SLC2A9: variants seen among roughly 807,000 people sequenced by gnomAD.
The protein encoded by SLC2A9 is solute carrier family 2, facilitated glucose transporter member 9.
A neutral mutation model predicts 50.6 loss-of-function variants in SLC2A9; 39 were observed. That is an observed-to-expected ratio of 0.77 (90% confidence interval 0.60 to 1.01). SLC2A9 has a LOEUF of 1.01. Ranked by LOEUF, SLC2A9 falls within the 50% of genes least tolerant of loss-of-function variation. The pLI is 0.00. For synonymous variants in SLC2A9, 324 were observed against 276.9 expected, an observed-to-expected ratio of 1.17 and a Z score of -1.69; for missense variants, 686 against 677.6, an observed-to-expected ratio of 1.01 and a Z score of -0.14.
chr4:9,924,835 T>C (rs1190430978), intron 6 of SLC2A9, among the ~76,000 whole-genome samples: 1 of 152,198 alleles, frequency 6.6e-6, no homozygotes, highest in Non-Finnish European at 1.5e-5. Flanking sequence ...TTGTCTGATC[T>C]AGTGACTAAG....
intron 5 of SLC2A9, among the ~76,000 whole-genome samples, chr4:9,943,389 G>A (rs190683606): frequency 2.6e-5 from 4 of 152,186 alleles, no homozygotes; most frequent in Non-Finnish European, 2.9e-5. Context: ...CCCTTCCATC[G>A]CCCTTTGAGG....
At chr4:9,774,578 T>C (rs1037079671) in intron 1 of SLC2A9, among the ~76,000 whole-genome samples, 2 of 152,208 alleles carry the variant, frequency 1.3e-5, no homozygotes, top group African/African-American at 2.4e-5. Flanking sequence ...GGCAGGGCTT[T>C]GTCAGTTGTA....
chr4:9,789,370 G>A (rs1362772738), intron 3 of SLC2A9, among the ~76,000 whole-genome samples: 4 of 152,216 alleles, frequency 2.6e-5, no homozygotes, highest in South Asian at 2.1e-4. Context: ...TTGTGACTGT[G>A]TCCTTAAGAG....
At chr4:9,997,732 A>G (rs1469150520) in intron 2 of SLC2A9, among the ~76,000 whole-genome samples, 4 of 90,708 alleles carry the variant, frequency 4.4e-5, no homozygotes, top group African/African-American at 1.7e-4. Context: ...TACCTAACAA[A>G]AAAAAAATAG....
At chr4:9,937,823 T>G (rs1421475827) in intron 6 of SLC2A9, among the ~76,000 whole-genome samples, 1 of 152,094 alleles carries the variant, frequency 6.6e-6, no homozygotes. Flanking sequence ...GTGGGTGTGT[T>G]TGGTGCACAG....
intron 8 of SLC2A9, among the ~76,000 whole-genome samples, chr4:9,897,367 T>G (rs1049938786): frequency 6.6e-6 from 1 of 152,296 alleles, no homozygotes; most frequent in Non-Finnish European, 1.5e-5. Flanking sequence ...CTTTATGGGC[T>G]GAATTGCATT....
At chr4:10,010,280 C>T (rs1296815532) in intron 2 of SLC2A9, among the ~76,000 whole-genome samples, 2 of 152,218 alleles carry the variant, frequency 1.3e-5, no homozygotes, top group East Asian at 3.8e-4. Context: ...AACACCAGAG[C>T]TGGAATCCTT....
At chr4:9,846,273 A>G (rs949236361) in intron 10 of SLC2A9, among the ~76,000 whole-genome samples, 1 of 152,228 alleles carries the variant, frequency 6.6e-6, no homozygotes, top group African/African-American at 2.4e-5. Context: ...ATATCAGCAA[A>G]TAGAACTCAT....
chr4:9,776,346 C>G (rs73221599), downstream of SLC2A9, among the ~76,000 whole-genome samples: 4,898 of 151,942 alleles, frequency 0.032, 149 homozygotes, highest in Non-Finnish European at 0.048. Flanking sequence ...TGGTGCTGTG[C>G]GATCATCCTT....
chr4:10,036,510 G>T, intron 1 of SLC2A9, among the ~76,000 whole-genome samples: 1 of 152,158 alleles, frequency 6.6e-6, no homozygotes. Context: ...AATTCCATGT[G>T]GTGGTTTCAA....
intron 4 of SLC2A9, among the ~76,000 whole-genome samples, chr4:9,982,373 G>A (rs1756028365): frequency 6.6e-6 from 1 of 152,192 alleles, no homozygotes; most frequent in Non-Finnish European, 1.5e-5. Context: ...CCACAAGTCG[G>A]AAAGACCGAA....
intron 3 of SLC2A9, 89 bp from the exon 4 acceptor site, chr4:9,985,882 C>A: frequency 6.3e-7 from 1 of 1,581,670 alleles, no homozygotes; most frequent in Non-Finnish European, 8.7e-7. Context: ...CCAGGCCCTT[C>A]TGAAGGGTGA....
downstream of SLC2A9, among the ~76,000 whole-genome samples, chr4:9,797,149 C>G (rs542542561): frequency 6.6e-6 from 1 of 152,196 alleles, no homozygotes; most frequent in Non-Finnish European, 1.5e-5. Context: ...CAGCTCTGCT[C>G]TCTGCTCTCA....
intron 2 of SLC2A9, among the ~76,000 whole-genome samples, chr4:10,018,301 T>C (rs1762946889): frequency 6.6e-6 from 1 of 152,110 alleles, no homozygotes; most frequent in African/African-American, 2.4e-5. Flanking sequence ...TCCCAGCACT[T>C]TGGGAGGCCA....
chr4:10,023,748 G>A (rs948839064), upstream of SLC2A9, among the ~76,000 whole-genome samples: 1 of 152,166 alleles, frequency 6.6e-6, no homozygotes, highest in South Asian at 2.1e-4. Flanking sequence ...TCCCAAGTGT[G>A]TTCACCTTCA....
intron 6 of SLC2A9, among the ~76,000 whole-genome samples, chr4:9,932,089 C>T (rs1468920130): frequency 6.7e-6 from 1 of 148,208 alleles, no homozygotes; most frequent in Non-Finnish European, 1.5e-5. Context: ...ACAGAAGGCC[C>T]AAAGCAATGA....
intron 3 of SLC2A9, chr4:9,783,458 C>A (rs1457638878): frequency 6.3e-7 from 1 of 1,597,986 alleles, no homozygotes; most frequent in Non-Finnish European, 8.5e-7. Flanking sequence ...GAATGGATTC[C>A]ATTAAACTGC....
chr4:9,789,583 T>C (rs781061539), intron 3 of SLC2A9, among the ~76,000 whole-genome samples: 19 of 152,092 alleles, frequency 1.2e-4, no homozygotes, highest in Non-Finnish European at 2.6e-4. Context: ...TAGGAGGAAG[T>C]TGTTGATATG....
intron 2 of SLC2A9, chr4:10,006,338 G>A (rs1369670439): frequency 6.6e-6 from 1 of 152,210 alleles, no homozygotes; most frequent in Admixed American, 6.5e-5. Flanking sequence ...GAACTCACTT[G>A]GAACGATTCT....
Sources: allele counts gnomAD v4.1 joint callset (sites outside exome capture counted in the v4.1 genomes callset), GRCh38; gene constraint gnomAD v4.1.1; transcripts MANE v1.5; gene names NCBI Gene and HGNC (gene_info 2026-07-23, HGNC 2026-07-21).